DPM1: variants seen among roughly 807,000 people sequenced by gnomAD.
DPM1 encodes the protein dolichol-phosphate mannosyltransferase subunit 1.
DPM1 carries 27 observed loss-of-function variants against 39.0 expected under a neutral mutation model. That is an observed-to-expected ratio of 0.69 (90% confidence interval 0.51 to 0.95). DPM1 has a LOEUF of 0.95. DPM1 is among the 40% of genes least tolerant of loss of function. The pLI is 0.00. For missense variants in DPM1, 307 were observed against 315.6 expected, an observed-to-expected ratio of 0.97 and a Z score of 0.21; for synonymous variants, 124 against 109.0, an observed-to-expected ratio of 1.14 and a Z score of -0.86.
chr20:50,936,502 GAATT>G (rs1320109067), intron 7 of DPM1, among the ~76,000 whole-genome samples: 31 of 152,222 alleles, frequency 2.0e-4, no homozygotes, highest in Admixed American at 5.9e-4. Flanking sequence ...TCTTTTTATA[GAATT>G]ATTTTCCCAC....
At chr20:50,951,409 T>C (rs532390004) in intron 2 of DPM1, among the ~76,000 whole-genome samples, 1 of 152,220 alleles carries the variant, frequency 6.6e-6, no homozygotes, top group Non-Finnish European at 1.5e-5. Context: ...GTTCTGCAAA[T>C]GCACATACAC....
intron 2 of DPM1, among the ~76,000 whole-genome samples, chr20:50,953,888 C>T (rs572003833): frequency 6.6e-6 from 1 of 152,272 alleles, no homozygotes; most frequent in South Asian, 2.1e-4. Context: ...AAATTCAAAC[C>T]TAGCATTACT....
intron 1 of DPM1, 71 bp from the exon 2 acceptor site, chr20:50,955,356 T>G (rs1986773589): frequency 1.8e-6 from 2 of 1,086,384 alleles, no homozygotes; most frequent in Admixed American, 3.8e-5. Context: ...TAAAAATTAC[T>G]AATTCCTTAA....
upstream of DPM1, chr20:50,958,533 G>A (rs779767619): frequency 2.5e-6 from 4 of 1,613,438 alleles, no homozygotes; most frequent in Middle Eastern, 1.6e-4. Flanking sequence ...TGGCGGAACT[G>A]AGCCAGATGC....
chr20:50,943,452 C>A (rs999446668), intron 5 of DPM1, among the ~76,000 whole-genome samples: 2 of 151,526 alleles, frequency 1.3e-5, no homozygotes, highest in Non-Finnish European at 2.9e-5. Flanking sequence ...CTCCACCTCC[C>A]GGGTTCAAGT....
chr20:50,935,922 A>G (rs866641292), intron 8 of DPM1, among the ~76,000 whole-genome samples: 3 of 152,246 alleles, frequency 2.0e-5, no homozygotes, highest in Non-Finnish European at 2.9e-5. Context: ...AGAAAGTACC[A>G]GGAACTTTTA....
At chr20:50,941,655 T>A (rs1192152399) in intron 6 of DPM1, among the ~76,000 whole-genome samples, 1 of 151,676 alleles carries the variant, frequency 6.6e-6, no homozygotes, top group Non-Finnish European at 1.5e-5. Context: ...TTGCAGTGAG[T>A]TAAGACTTTA....
chr20:50,939,654 G>C (rs77800093), intron 7 of DPM1, among the ~76,000 whole-genome samples: 1 of 140,924 alleles, frequency 7.1e-6, no homozygotes, highest in Non-Finnish European at 1.5e-5. Context: ...TTCCTCTGTC[G>C]CCAGGCTGGA....
chr20:50,940,270 G>A (rs1028919580), intron 7 of DPM1, among the ~76,000 whole-genome samples: 3 of 151,848 alleles, frequency 2.0e-5, no homozygotes, highest in African/African-American at 7.3e-5. Context: ...TAGATGCAGG[G>A]GCATTTTATA....
intron 1 of DPM1, among the ~76,000 whole-genome samples, 184 bp from the exon 2 acceptor site, chr20:50,955,469 A>G (rs1986778815): frequency 6.6e-6 from 1 of 152,260 alleles, no homozygotes; most frequent in African/African-American, 2.4e-5. Context: ...CAAACCCAGT[A>G]TGTTGCTGAA....
upstream of DPM1, chr20:50,958,535 G>A (rs374112038): frequency 8.7e-6 from 14 of 1,613,236 alleles, no homozygotes; most frequent in Non-Finnish European, 1.2e-5. Context: ...GCGGAACTGA[G>A]CCAGATGCCG....
chr20:50,949,626 T>C (rs1986474484), intron 2 of DPM1, among the ~76,000 whole-genome samples: 1 of 152,228 alleles, frequency 6.6e-6, no homozygotes, highest in South Asian at 2.1e-4. Flanking sequence ...GCCCTACGTT[T>C]CTGAGGTATG....
chr20:50,935,348 C>G (rs1407339734), intron 8 of DPM1, 112 bp from the exon 9 acceptor site: 1 of 717,594 alleles, frequency 1.4e-6, no homozygotes, highest in African/African-American at 1.8e-5. Context: ...AACAGAGGTC[C>G]TTAAAGTAAG....
chr20:50,941,916 GAAGTTA>G, intron 6 of DPM1, 109 bp downstream of exon 6: 1 of 878,640 alleles, frequency 1.1e-6, no homozygotes, highest in Non-Finnish European at 1.9e-6. Flanking sequence ...GTATTTACTG[GAAGTTA>G]TAACCTGATC....
intron 2 of DPM1, among the ~76,000 whole-genome samples, chr20:50,950,774 G>A (rs1220608751): frequency 6.6e-6 from 1 of 152,100 alleles, no homozygotes; most frequent in Non-Finnish European, 1.5e-5. Flanking sequence ...GGAGGCTGAG[G>A]TAGAAGAATC....
intron 7 of DPM1, among the ~76,000 whole-genome samples, chr20:50,937,043 C>CTAT (rs1053247230): frequency 1.4e-5 from 2 of 140,414 alleles, no homozygotes; most frequent in African/African-American, 5.2e-5. Flanking sequence ...CAGAGTCACA[C>CTAT]TTTTTTTTTT....
chr20:50,950,876 A>C (rs1986538478), intron 2 of DPM1, among the ~76,000 whole-genome samples: 1 of 134,976 alleles, frequency 7.4e-6, no homozygotes, highest in African/African-American at 3.9e-5. Context: ...CTCAAAAAAC[A>C]AACAAACAAA....
intron 7 of DPM1, among the ~76,000 whole-genome samples, chr20:50,940,107 T>C (rs1985595745): frequency 6.7e-6 from 1 of 148,906 alleles, no homozygotes; most frequent in African/African-American, 2.6e-5. Flanking sequence ...TGTGTGTGTG[T>C]GTGTGTGTGT....
intron 8 of DPM1, among the ~76,000 whole-genome samples, chr20:50,935,914 A>C (rs1442129824): frequency 3.3e-5 from 5 of 152,242 alleles, no homozygotes; most frequent in African/African-American, 9.6e-5. Context: ...TAGGATTGAG[A>C]AAGTACCAGG....
Sources: gnomAD v4.1 joint callset for allele counts (sites outside exome capture counted in the v4.1 genomes callset) on GRCh38, gnomAD v4.1.1 for gene constraint, MANE v1.5 for transcripts, NCBI Gene and HGNC (gene_info 2026-07-23, HGNC 2026-07-21) for gene names.